NCKAP5: variants seen among roughly 807,000 people sequenced by gnomAD.
NCKAP5 encodes the protein nck-associated protein 5.
In NCKAP5, 92 loss-of-function variants were observed where a neutral mutation model predicts 167.0. The observed-to-expected ratio is 0.55, with a 90% CI of 0.47 to 0.66. NCKAP5 has a LOEUF of 0.66. Among genes scored for constraint, NCKAP5 ranks in the 30% least tolerant of loss-of-function variants. NCKAP5 has a pLI of 0.00. For missense variants in NCKAP5, 2,378 were observed against 2,315.0 expected (o/e 1.03, Z -0.56); for synonymous variants, 891 against 877.4 (o/e 1.02, Z -0.27).
intron 5 of NCKAP5, among the ~76,000 whole-genome samples, chr2:133,189,728 T>G (rs1049183888): frequency 6.6e-6 from 1 of 152,068 alleles, no homozygotes; most frequent in Non-Finnish European, 1.5e-5. Flanking sequence ...TTGACAAAAT[T>G]CAACAATGCT....
At chr2:133,252,809 A>T (rs1168056395) in intron 4 of NCKAP5, among the ~76,000 whole-genome samples, 5 of 152,228 alleles carry the variant, frequency 3.3e-5, no homozygotes, top group South Asian at 2.1e-4. Flanking sequence ...TGATGCCCAT[A>T]AATTTAAATT....
intron 16 of NCKAP5, among the ~76,000 whole-genome samples, chr2:132,759,790 T>C (rs1359182011): frequency 6.6e-6 from 1 of 152,090 alleles, no homozygotes; most frequent in African/African-American, 2.4e-5. Context: ...CTAGAGATTT[T>C]AGTCTATGTA....
At chr2:132,686,722 C>T (rs1685990988) in intron 19 of NCKAP5, among the ~76,000 whole-genome samples, 1 of 152,160 alleles carries the variant, frequency 6.6e-6, no homozygotes, top group Non-Finnish European at 1.5e-5. Flanking sequence ...AGCTGCCATA[C>T]TTTCTGGTGG....
chr2:133,628,181 T>C, the NCKAP5 span, among the ~76,000 whole-genome samples: 5 of 152,082 alleles, frequency 3.3e-5, no homozygotes, highest in African/African-American at 9.7e-5. Context: ...GGTATTCAAA[T>C]AGGAAAAGAG....
intron 8 of NCKAP5, among the ~76,000 whole-genome samples, chr2:132,960,510 A>G (rs1157929958): frequency 1.3e-5 from 2 of 152,278 alleles, no homozygotes; most frequent in East Asian, 1.9e-4. Flanking sequence ...CCATGACCCC[A>G]TATCCTTCCT....
chr2:133,486,294 TAAAGA>T (rs1421420709), intron 3 of NCKAP5, among the ~76,000 whole-genome samples: 10 of 152,340 alleles, frequency 6.6e-5, no homozygotes, highest in African/African-American at 1.9e-4. Context: ...TATTTGTTTT[TAAAGA>T]AGAAAGGTCT....
At chr2:133,438,804 A>G (rs1017496773) in intron 3 of NCKAP5, among the ~76,000 whole-genome samples, 4 of 152,190 alleles carry the variant, frequency 2.6e-5, no homozygotes, top group Admixed American at 2.0e-4. Context: ...AAATGATTAG[A>G]TTATATTTTG....
chr2:133,127,501 T>C (rs994713300), intron 6 of NCKAP5, among the ~76,000 whole-genome samples: 10 of 152,208 alleles, frequency 6.6e-5, no homozygotes, highest in African/African-American at 2.4e-4. Flanking sequence ...GTACACATAA[T>C]TATCTTCTCT....
At chr2:133,581,580 A>G in the NCKAP5 span, among the ~76,000 whole-genome samples, 34 of 152,220 alleles carry the variant, frequency 2.2e-4, no homozygotes, top group South Asian at 6.0e-3. Context: ...TGGCCCAATC[A>G]TGTGTTTGGA....
intron 5 of NCKAP5, among the ~76,000 whole-genome samples, chr2:133,162,679 GTT>G (rs200357970): frequency 6.7e-6 from 1 of 149,602 alleles, no homozygotes; most frequent in Non-Finnish European, 1.5e-5. Context: ...ATGCAACATT[GTT>G]TTTTTTTGTT....
At chr2:132,896,298 T>A (rs1693198758) in intron 8 of NCKAP5, among the ~76,000 whole-genome samples, 1 of 152,164 alleles carries the variant, frequency 6.6e-6, no homozygotes, top group Admixed American at 6.5e-5. Flanking sequence ...TAAAAGTGGG[T>A]GGATGATGTT....
intron 3 of NCKAP5, among the ~76,000 whole-genome samples, chr2:133,413,574 C>T (rs1206387427): frequency 6.6e-6 from 1 of 151,162 alleles, no homozygotes; most frequent in Non-Finnish European, 1.5e-5. Flanking sequence ...CAACTGCATG[C>T]AAATCTACAA....
At position 132,785,394 on chromosome 2, in the gene NCKAP5, C is replaced by T; in HGVS notation, c.1417G>A (p.Asp473Asn). ...EPHKTFVYDLDSHVDADDDPS... is the reference protein window; with the variant it reads ...EPHKTFVYDLNSHVDADDDPS... ...TCATCGTCCGCATCAACGTGGGAAT[C>T]TAGATCATAAACAAATGTCTTGTGG... Residue 473 changes from aspartate (D) to asparagine (N), a missense_variant, in exon 14 of 20, where the codon GAT becomes AAT. By Grantham distance (23) the Asp-to-Asn change is conservative. Transcript: ENST00000409261. 1 of 1,613,988 alleles carries T rather than the reference C, an allele frequency of 6.2e-7. No individual in the cohort carries two copies. The highest frequency in any genetic ancestry group is 8.5e-7 in the Non-Finnish European group (1 of 1,179,908).
chr2:132,976,550 C>T (rs1170793167), intron 7 of NCKAP5, among the ~76,000 whole-genome samples: 16 of 127,476 alleles, frequency 1.3e-4, no homozygotes, highest in South Asian at 4.7e-4. Context: ...GGTGACAGAG[C>T]GAGACTCCAT....
intron 6 of NCKAP5, among the ~76,000 whole-genome samples, chr2:133,016,370 A>G (rs562846333): frequency 3.9e-5 from 6 of 152,316 alleles, no homozygotes; most frequent in Admixed American, 6.5e-5. Context: ...AGAAGTTTCT[A>G]TTTCTACCTG....
At chr2:133,398,297 C>A (rs1687883188) in intron 3 of NCKAP5, among the ~76,000 whole-genome samples, 1 of 152,170 alleles carries the variant, frequency 6.6e-6, no homozygotes, top group African/African-American at 2.4e-5. Flanking sequence ...TGATAAATAG[C>A]TTGGAGTACC....
chr2:133,313,710 G>A (rs75177609), intron 3 of NCKAP5, among the ~76,000 whole-genome samples: 1,693 of 152,094 alleles, frequency 0.011, 29 homozygotes, highest in African/African-American at 0.039. Context: ...CTGCAAGTCA[G>A]TAACATGTCA....
chr2:132,941,623 T>A (rs1323730361), intron 8 of NCKAP5, among the ~76,000 whole-genome samples: 2 of 152,204 alleles, frequency 1.3e-5, no homozygotes, highest in Admixed American at 6.5e-5. Flanking sequence ...GTAAGATGAT[T>A]CCTGGTCTCA....
chr2:133,033,276 A>G (rs1304987567), intron 6 of NCKAP5, among the ~76,000 whole-genome samples: 3 of 152,374 alleles, frequency 2.0e-5, no homozygotes, highest in South Asian at 2.1e-4. Context: ...TACCTCTATG[A>G]GTCTGCAAGA....
Sources: gnomAD v4.1 joint callset for allele counts (sites outside exome capture counted in the v4.1 genomes callset) on GRCh38, gnomAD v4.1.1 for gene constraint, MANE v1.5 for transcripts, NCBI Gene and HGNC (gene_info 2026-07-23, HGNC 2026-07-21) for gene names.